The following CSMD1 variants were observed in gnomAD, a reference collection of about 807,000 sequenced individuals.
CSMD1 encodes the protein CUB and sushi domain-containing protein 1.
In CSMD1, 213 loss-of-function variants were observed where a neutral mutation model predicts 417.5. The observed-to-expected ratio is 0.51, with a 90% confidence interval of 0.46 to 0.57. The LOEUF (loss-of-function observed/expected upper bound fraction) is 0.57. Among genes scored for constraint, CSMD1 ranks in the 20% least tolerant of loss-of-function variants. CSMD1 has a pLI of 0.00. For synonymous variants in CSMD1, 2,862 were observed against 1,736.8 expected, an observed-to-expected ratio of 1.65 and a Z score of -16.11; for missense variants, 6,923 against 4,529.7, an observed-to-expected ratio of 1.53 and a Z score of -15.17.
At chr8:3,766,209 T>G (rs900814896) in intron 5 of CSMD1, among the ~76,000 whole-genome samples, 1 of 152,292 alleles carries the variant, frequency 6.6e-6, no homozygotes, top group Middle Eastern at 3.4e-3. Flanking sequence ...GCCAGCACAG[T>G]GGTGCGCTTT....
intron 3 of CSMD1, among the ~76,000 whole-genome samples, chr8:4,147,802 T>C (rs139145231): frequency 7.9e-5 from 12 of 152,130 alleles, no homozygotes; most frequent in Non-Finnish European, 1.8e-4. Flanking sequence ...ATGTGCCGAC[T>C]CCAAAGCCGG....
intron 2 of CSMD1, among the ~76,000 whole-genome samples, chr8:4,555,910 T>G (rs1185358542): frequency 6.6e-6 from 1 of 152,178 alleles, no homozygotes; most frequent in Non-Finnish European, 1.5e-5. Context: ...CTTTACTGTG[T>G]AAAATATGAA....
chr8:3,476,634 C>T (rs892139129), intron 11 of CSMD1, among the ~76,000 whole-genome samples: 2 of 152,030 alleles, frequency 1.3e-5, no homozygotes, highest in Non-Finnish European at 2.9e-5. Context: ...AATAATGAAT[C>T]AGCCAGGCTT....
intron 1 of CSMD1, among the ~76,000 whole-genome samples, chr8:4,898,991 T>TA (rs538566730): frequency 1.3e-5 from 2 of 152,134 alleles, no homozygotes; most frequent in Admixed American, 6.5e-5. Context: ...GATATCTACT[T>TA]AAAAATAGAA....
intron 1 of CSMD1, among the ~76,000 whole-genome samples, chr8:4,805,457 TGAGAAGCCTGCGTC>T (rs1190809941): frequency 3.9e-5 from 6 of 152,120 alleles, no homozygotes; most frequent in Non-Finnish European, 7.3e-5. Flanking sequence ...CTCAGTGGGT[TGAGAAGCCTGCGTC>T]GAGAAGTCAG....
chr8:3,738,606 G>A (rs1265341705), intron 6 of CSMD1, among the ~76,000 whole-genome samples: 1 of 152,158 alleles, frequency 6.6e-6, no homozygotes, highest in African/African-American at 2.4e-5. Context: ...ATCCTCAGGT[G>A]GCAGCAGTCA....
chr8:4,522,382 A>G (rs1803508499), intron 2 of CSMD1, among the ~76,000 whole-genome samples: 2 of 152,174 alleles, frequency 1.3e-5, no homozygotes, highest in African/African-American at 4.8e-5. Context: ...TGCCTTTATC[A>G]GCAGCGTTAA....
intron 1 of CSMD1, among the ~76,000 whole-genome samples, chr8:4,910,261 C>T (rs535154287): frequency 6.6e-5 from 10 of 151,980 alleles, no homozygotes; most frequent in African/African-American, 2.2e-4. Context: ...ATTGTATTAT[C>T]TCATCACAGT....
intron 12 of CSMD1, among the ~76,000 whole-genome samples, chr8:3,430,381 A>G (rs1486632740): frequency 6.6e-6 from 1 of 152,186 alleles, no homozygotes; most frequent in African/African-American, 2.4e-5. Flanking sequence ...ATGAGAGTGG[A>G]AGCTGTATCT....
At chr8:4,867,415 A>G (rs2116898408) in intron 1 of CSMD1, among the ~76,000 whole-genome samples, 1 of 152,218 alleles carries the variant, frequency 6.6e-6, no homozygotes, top group African/African-American at 2.4e-5. Flanking sequence ...GCAGAACTTA[A>G]ATACACCCCT....
chr8:4,702,435 T>G (rs768847798), intron 1 of CSMD1, among the ~76,000 whole-genome samples: 22 of 152,178 alleles, frequency 1.4e-4, no homozygotes, highest in Non-Finnish European at 3.1e-4. Context: ...GATGACATCT[T>G]GAAGTTCACT....
intron 6 of CSMD1, among the ~76,000 whole-genome samples, chr8:3,727,719 C>A (rs1326742039): frequency 1.3e-5 from 2 of 152,112 alleles, no homozygotes; most frequent in Non-Finnish European, 2.9e-5. Flanking sequence ...GAAAGACTGT[C>A]CATAAACACA....
At chr8:3,140,335 C>G (rs1268505482) in intron 41 of CSMD1, among the ~76,000 whole-genome samples, 8 of 118,836 alleles carry the variant, frequency 6.7e-5, no homozygotes, top group African/African-American at 2.0e-4. Flanking sequence ...TGTTCTCTCT[C>G]TCTCTCTCTC....
rs77896479 is a variant in CSMD1, at chr8:4,270,938, G to T, written c.415+149015C>A. On this transcript the variant is annotated intron_variant, in intron 3 of 69. Coordinates refer to ENST00000635120, the MANE Select transcript of CSMD1 (RefSeq NM_033225.6). ...CGCTGTGAAAAATGAGACACCCCTAGAGAGAGAGGGAGCACTTTAAACTGT... is the reference window on the plus strand; with the variant it reads ...CGCTGTGAAAAATGAGACACCCCTATAGAGAGAGGGAGCACTTTAAACTGT... Among the ~76,000 whole-genome samples the T allele has an allele frequency of 2.0e-5, 3 of 152,220 alleles. No homozygotes were observed. The East Asian group carries it at 5.8e-4, about 30-fold the overall frequency.
chr8:3,745,658 C>T (rs565526851), intron 6 of CSMD1, among the ~76,000 whole-genome samples: 3 of 152,202 alleles, frequency 2.0e-5, no homozygotes, highest in Non-Finnish European at 1.5e-5. Flanking sequence ...TCACAAGGGG[C>T]ATGAATCCCC....
At chr8:4,754,867 G>A (rs1475759421) in intron 1 of CSMD1, among the ~76,000 whole-genome samples, 1 of 151,256 alleles carries the variant, frequency 6.6e-6, no homozygotes, top group South Asian at 2.1e-4. Context: ...GGATGAGTGT[G>A]GTGGTTCACA....
chr8:3,905,159 T>C (rs1269810397), intron 5 of CSMD1, among the ~76,000 whole-genome samples: 1 of 152,144 alleles, frequency 6.6e-6, no homozygotes, highest in Non-Finnish European at 1.5e-5. Context: ...TAAAGAATGA[T>C]TAATAACAGG....
chr8:4,018,720 CTT>C (rs926920881), intron 4 of CSMD1, among the ~76,000 whole-genome samples: 4 of 152,100 alleles, frequency 2.6e-5, no homozygotes, highest in African/African-American at 9.7e-5. Flanking sequence ...TTATTTTTCT[CTT>C]GAGTTAGAAG....
At chr8:3,182,526 T>G (rs577375345) in intron 36 of CSMD1, among the ~76,000 whole-genome samples, 5 of 151,612 alleles carry the variant, frequency 3.3e-5, no homozygotes, top group Non-Finnish European at 7.4e-5. Context: ...CCAAGAGATT[T>G]GATCAGACCA....
Sources: gnomAD v4.1 joint callset for allele counts (sites outside exome capture counted in the v4.1 genomes callset) on GRCh38, gnomAD v4.1.1 for gene constraint, MANE v1.5 for transcripts, NCBI Gene and HGNC (gene_info 2026-07-23, HGNC 2026-07-21) for gene names.